ZNRF3: variants seen among roughly 807,000 people sequenced by gnomAD.
ZNRF3 encodes E3 ubiquitin-protein ligase ZNRF3.
Under a neutral mutation model 72.5 loss-of-function variants are expected in ZNRF3, and 23 were observed. The ratio of observed to expected loss-of-function variants is 0.32; its 90% CI spans 0.23 to 0.45. The LOEUF is 0.45. ZNRF3 is among the 20% of genes least tolerant of loss of function. The pLI, the probability that ZNRF3 is intolerant of heterozygous loss-of-function variation, is 1.00. For missense variants in ZNRF3, 1,169 were observed against 1,272.1 expected (o/e 0.92, Z 1.23); for synonymous variants, 610 against 545.3 (o/e 1.12, Z -1.65).
At chr22:28,961,603 T>A (rs2035360456) in intron 1 of ZNRF3, among the ~76,000 whole-genome samples, 2 of 152,228 alleles carry the variant, frequency 1.3e-5, no homozygotes, top group Admixed American at 1.3e-4. Context: ...CTTGGTTTTA[T>A]TAAATAAGTA....
intron 1 of ZNRF3, among the ~76,000 whole-genome samples, chr22:28,887,268 G>GTGTGTGTA (rs1569234156): frequency 6.6e-6 from 1 of 151,014 alleles, no homozygotes; most frequent in Non-Finnish European, 1.5e-5. Flanking sequence ...GTGTGTGTGT[G>GTGTGTGTA]TGTATACATA....
intron 2 of ZNRF3, among the ~76,000 whole-genome samples, chr22:29,021,772 G>A (rs2036545413): frequency 6.6e-6 from 1 of 152,140 alleles, no homozygotes; most frequent in South Asian, 2.1e-4. Flanking sequence ...ACAGGCGTAA[G>A]CCACCGTGCC....
chr22:28,911,783 C>G (rs528330694), intron 1 of ZNRF3, among the ~76,000 whole-genome samples: 10 of 152,220 alleles, frequency 6.6e-5, no homozygotes, highest in African/African-American at 2.4e-4. Flanking sequence ...TCAGTTTGGG[C>G]TCCATCTGTT....
At chr22:29,053,228 T>G (rs1267903871) in intron 8 of ZNRF3, among the ~76,000 whole-genome samples, 1 of 152,184 alleles carries the variant, frequency 6.6e-6, no homozygotes, top group African/African-American at 2.4e-5. Context: ...GTCATCCTAT[T>G]GCTAAATTAC....
chr22:28,883,972 G>T lies in ZNRF3; in HGVS notation c.206G>T (p.Ser69Ile). ...GTGGAGGTGGTGCTGTTCGAGTCGA[G>T]CCCAAGCGGCGATTACACCACCTAC... Reference protein sequence around the residue: ...AFVEVVLFESSPSGDYTTYTT... With the variant: ...AFVEVVLFESIPSGDYTTYTT... Residue 69 changes from serine (S) to isoleucine (I), a missense_variant, in exon 1 of 9, where the codon AGC becomes ATC. Physicochemically the swap from Ser to Ile is moderately radical, Grantham distance 142. Around this residue, in one of 2 missense-constraint regions of ZNRF3, gnomAD observed 386 missense variants for 540.7 expected, o/e 0.71. Coordinates refer to ENST00000544604, the MANE Select transcript of ZNRF3 (RefSeq NM_001206998.2). The surrounding 1 kb of genome is among the most constrained non-coding windows in gnomAD (Gnocchi z 5.5). 2.3e-6 allele frequency: 3 copies of T among 1,313,834 alleles called. No homozygotes were observed. The highest frequency in any genetic ancestry group is 3.0e-6 in the Non-Finnish European group (3 of 1,013,794). 81.4% of individuals were successfully genotyped at this position (1,313,834 alleles called of 1,614,324 possible). A position where few individuals can be genotyped will look rare whatever the true frequency, so the allele number is the denominator to read the frequency against.
At chr22:29,022,434 C>T (rs2036557388) in intron 2 of ZNRF3, among the ~76,000 whole-genome samples, 1 of 152,148 alleles carries the variant, frequency 6.6e-6, no homozygotes, top group Non-Finnish European at 1.5e-5. Flanking sequence ...CTTGGGGAGC[C>T]TGGTATTTCT....
At chr22:29,040,042 C>G (rs906462934) in intron 2 of ZNRF3, among the ~76,000 whole-genome samples, 3 of 152,158 alleles carry the variant, frequency 2.0e-5, no homozygotes, top group African/African-American at 7.2e-5. Flanking sequence ...TCAGCATCCT[C>G]TCTTCCTGGA....
intron 1 of ZNRF3, among the ~76,000 whole-genome samples, chr22:28,955,602 C>T (rs1003077113): frequency 6.6e-6 from 1 of 152,060 alleles, no homozygotes; most frequent in African/African-American, 2.4e-5. Context: ...TGGTCTCACG[C>T]ACTGAAGTGT....
intron 2 of ZNRF3, chr22:29,031,508 T>C: frequency 5.6e-6 from 5 of 888,170 alleles, no homozygotes; most frequent in Non-Finnish European, 6.7e-6. Context: ...AGCGAGAATG[T>C]CCTGTGTCAT....
At chr22:28,917,823 C>T (rs186044115) in intron 1 of ZNRF3, among the ~76,000 whole-genome samples, 16 of 152,340 alleles carry the variant, frequency 1.1e-4, no homozygotes, top group South Asian at 4.1e-4. Context: ...CAGGCTCAGT[C>T]GTTAGAACAC....
rs201897837 is a variant in ZNRF3 at position 28,899,692 on chromosome 22, TC to T, written c.300+15627del. On this transcript the variant is annotated intron_variant, in intron 1 of 8. Transcript: ENST00000544604. ...TTCTTTCTTTTCTTCTTTCTTTCTT[TC>T]TTTTTTTTTTTTTTTTAAGACAGTC... Among the ~76,000 whole-genome samples the T allele has an allele frequency of 3.7e-3, 540 of 146,466 alleles. 26 individuals carry two copies. The highest frequency in any genetic ancestry group is 0.019 in the South Asian group (90 of 4,630).
chr22:29,019,052 G>A (rs1022263031), intron 2 of ZNRF3, among the ~76,000 whole-genome samples: 1 of 151,230 alleles, frequency 6.6e-6, no homozygotes, highest in Non-Finnish European at 1.5e-5. Flanking sequence ...TCAACATGTG[G>A]TCTCTTATCA....
Position 29,054,214 on chromosome 22 carries a change from C to G in ZNRF3, c.*592C>G, listed in dbSNP as rs1284426559. The stretch of plus-strand genomic sequence containing the variant: ...CCTCTTTCTTTCTCGTGGCAAATCC[C>G]AATGTACACGATTTCAGGTCTCAGA... On this transcript the variant is annotated 3_prime_UTR_variant, in exon 9 of 9. Coordinates refer to ENST00000544604, the MANE Select transcript of ZNRF3 (RefSeq NM_001206998.2). 1 of 152,384 alleles carries G rather than the reference C, an allele frequency of 6.6e-6. No individual in the cohort carries two copies. Among genetic ancestry groups the G allele is most frequent in the East Asian group, 1.9e-4 (1 of 5,206 alleles). 9.4% of individuals were successfully genotyped at this position (152,384 alleles called of 1,614,324 possible).
chr22:28,984,337 A>G (rs2035816963), intron 1 of ZNRF3, among the ~76,000 whole-genome samples: 1 of 152,128 alleles, frequency 6.6e-6, no homozygotes, highest in Non-Finnish European at 1.5e-5. Flanking sequence ...GCCCTTGGCA[A>G]CCACTAGTCT....
intron 1 of ZNRF3, among the ~76,000 whole-genome samples, chr22:28,967,792 A>G (rs779663364): frequency 2.0e-5 from 3 of 151,754 alleles, no homozygotes; most frequent in Non-Finnish European, 4.4e-5. Context: ...AGGCATAATG[A>G]CACACACCTG....
chr22:29,044,825 G>C lies in ZNRF3; in HGVS notation c.679G>C (p.Val227Leu). ...FDMGIFLAFF[V>L]VVSLVCLILL... ...CATGGGGATTTTCCTGGCTTTCTTCGTCGTGGTCTCCTTGGTCTGCCTCAT... is the reference window on the plus strand; with the variant it reads ...CATGGGGATTTTCCTGGCTTTCTTCCTCGTGGTCTCCTTGGTCTGCCTCAT... Residue 227 changes from valine to leucine, a missense_variant, in exon 5 of 9, where the codon GTC becomes CTC. Physicochemically the swap from Val to Leu is conservative, Grantham distance 32. This residue lies in a region of ZNRF3 where 386 missense variants were observed against 540.7 expected (regional missense o/e 0.71). Coordinates refer to ENST00000544604, the MANE Select transcript of ZNRF3 (RefSeq NM_001206998.2). The C allele has an allele frequency of 1.2e-6, 2 of 1,614,050 alleles. No homozygotes were observed. Among genetic ancestry groups the C allele is most frequent in the Non-Finnish European group, 1.7e-6 (2 of 1,180,026 alleles).
chr22:28,920,251 C>T (rs535339014), intron 1 of ZNRF3, among the ~76,000 whole-genome samples: 1 of 151,390 alleles, frequency 6.6e-6, no homozygotes, highest in East Asian at 2.0e-4. Flanking sequence ...CAGGTGTGAG[C>T]CACCGTGCCT....
chr22:28,963,292 A>G (rs2035398954), intron 1 of ZNRF3, among the ~76,000 whole-genome samples: 1 of 152,206 alleles, frequency 6.6e-6, no homozygotes, highest in Non-Finnish European at 1.5e-5. Flanking sequence ...GGGTTCTTTA[A>G]GGGCTCACAG....
Position 29,009,785 on chromosome 22 carries a change from G to A in ZNRF3, c.426+22584G>A, listed in dbSNP as rs2036317364. 4.6e-5 allele frequency among the ~76,000 whole-genome samples: 7 copies of A among 152,136 alleles called. No homozygotes were observed. The South Asian group carries it at 8.3e-4, about 18-fold the overall frequency. ...GAATCTTCTCTCTCTCTTTAAAATG[G>A]TGGTAACTATATACATCATATAAGC... On this transcript the variant is annotated intron_variant, in intron 2 of 8. Transcript: ENST00000544604.
Sources: allele counts gnomAD v4.1 joint callset (sites outside exome capture counted in the v4.1 genomes callset), GRCh38; gene constraint gnomAD v4.1.1; regional missense constraint gnomAD v4.1.1; non-coding constraint Gnocchi (gnomAD v3.1); transcripts MANE v1.5; gene names NCBI Gene and HGNC (gene_info 2026-07-23, HGNC 2026-07-21).